Variants in KCNC2 observed in about 807,000 individuals in gnomAD.
The protein encoded by KCNC2 is voltage-gated potassium channel KCNC2.
A neutral mutation model predicts 44.5 loss-of-function variants in KCNC2; 21 were observed. That is an observed-to-expected ratio of 0.47 (90% CI 0.33 to 0.68). The LOEUF (loss-of-function observed/expected upper bound fraction) is 0.68, where lower values mean the gene tolerates loss of function less well. Among genes scored for constraint, KCNC2 ranks in the 30% least tolerant of loss-of-function variants. The probability of loss-of-function intolerance (pLI) is 0.01; values close to 1 mark genes in which losing one functional copy is unlikely to be tolerated. For synonymous variants in KCNC2, 391 were observed against 339.1 expected, an observed-to-expected ratio of 1.15 and a Z score of -1.68; for missense variants, 589 against 826.2, an observed-to-expected ratio of 0.71 and a Z score of 3.52.
intron 2 of KCNC2, among the ~76,000 whole-genome samples, chr12:75,084,479 G>T (rs182880381): frequency 1.3e-5 from 2 of 151,852 alleles, no homozygotes; most frequent in African/African-American, 2.4e-5. Context: ...TGCTATTCTC[G>T]TGATAGTGAA....
At chr12:75,176,875 A>G (rs1892221426) in intron 2 of KCNC2, among the ~76,000 whole-genome samples, 1 of 151,912 alleles carries the variant, frequency 6.6e-6, no homozygotes, top group African/African-American at 2.4e-5. Context: ...ATTTTCAAAT[A>G]TGCTCTTATC....
At chr12:75,139,686 T>G (rs2137395508) in intron 2 of KCNC2, among the ~76,000 whole-genome samples, 1 of 152,358 alleles carries the variant, frequency 6.6e-6, no homozygotes, top group Admixed American at 6.5e-5. Context: ...GCTAAAGCCA[T>G]GTTTTCAACT....
intron 4 of KCNC2, chr12:75,043,850 G>T (rs751131327): frequency 6.1e-5 from 70 of 1,151,116 alleles, no homozygotes; most frequent in Non-Finnish European, 3.0e-5. Context: ...AAAAGAAAAT[G>T]AATGAAATAT....
At chr12:75,147,443 C>T (rs1241888328) in intron 2 of KCNC2, among the ~76,000 whole-genome samples, 5 of 152,078 alleles carry the variant, frequency 3.3e-5, no homozygotes, top group Admixed American at 2.0e-4. Context: ...GACCAACTTA[C>T]GACCTAATTG....
chr12:75,201,300 C>CAAAAAAAAAA (rs2031255485), intron 2 of KCNC2, among the ~76,000 whole-genome samples: 1 of 14,066 alleles, frequency 7.1e-5, no homozygotes, highest in Non-Finnish European at 1.3e-4. Flanking sequence ...AAAAAAAAAC[C>CAAAAAAAAAA]AGATTCTGGT....
chr12:75,069,432 G>A (rs1416835236), intron 2 of KCNC2, among the ~76,000 whole-genome samples: 1 of 151,826 alleles, frequency 6.6e-6, no homozygotes, highest in Non-Finnish European at 1.5e-5. Context: ...CACCGTGCTC[G>A]GCCTCAATGT....
chr12:75,082,413 A>T (rs1407391385), intron 2 of KCNC2, among the ~76,000 whole-genome samples: 8 of 151,798 alleles, frequency 5.3e-5, no homozygotes, highest in Non-Finnish European at 1.5e-5. Flanking sequence ...AAATTCAAAG[A>T]TGTTTGTTAT....
chr12:75,074,368 A>C (rs1401932127), intron 2 of KCNC2, among the ~76,000 whole-genome samples: 1 of 151,458 alleles, frequency 6.6e-6, no homozygotes, highest in Non-Finnish European at 1.5e-5. Flanking sequence ...TGCAGTGAAG[A>C]GGGTAGAAGA....
chr12:75,041,114 G>C lies in KCNC2; in HGVS notation c.*1991C>G. The C allele has an allele frequency of 6.3e-7, 1 of 1,596,444 alleles. No homozygotes were observed. Among genetic ancestry groups the C allele is most frequent in the Non-Finnish European group, 8.5e-7 (1 of 1,178,530 alleles). Reference sequence around the variant, plus strand: ...TGGTCACATCAGGGCACATTCAGCAGCAGAAGTCTGTTTCCAGTATAGTCC... The same window carrying C: ...TGGTCACATCAGGGCACATTCAGCACCAGAAGTCTGTTTCCAGTATAGTCC... On this transcript the variant is annotated 3_prime_UTR_variant, in exon 5 of 5. Coordinates refer to ENST00000549446, the MANE Select transcript of KCNC2 (RefSeq NM_139137.4).
At chr12:75,091,560 C>A (rs189999378) in intron 2 of KCNC2, among the ~76,000 whole-genome samples, 294 of 151,746 alleles carry the variant, frequency 1.9e-3, no homozygotes, top group Non-Finnish European at 2.7e-3. Context: ...CTCACGAAAC[C>A]TAGCGGGAAA....
intron 2 of KCNC2, among the ~76,000 whole-genome samples, chr12:75,131,823 G>A (rs1888866113): frequency 6.6e-6 from 1 of 152,068 alleles, no homozygotes; most frequent in Non-Finnish European, 1.5e-5. Context: ...ATCTCTCCTA[G>A]AGACAGGAAC....
Position 75,126,848 on chromosome 12 carries a change from C to A in KCNC2, c.688-75531G>T, listed in dbSNP as rs555376730. On this transcript the variant is annotated intron_variant, in intron 2 of 4. Transcript: ENST00000549446. ...CACGCCTTTAGAAAAGCATTTGGGG[C>A]AGGAAGGACTTCCTAGGGTTCTTAA... Among the ~76,000 whole-genome samples, 195 of 152,148 alleles carry A rather than the reference C, an allele frequency of 1.3e-3. 1 individual carries two copies. The highest frequency in any genetic ancestry group is 4.5e-3 in the African/African-American group (185 of 41,532).
At chr12:75,101,707 T>C (rs1242776190) in intron 2 of KCNC2, among the ~76,000 whole-genome samples, 1 of 152,020 alleles carries the variant, frequency 6.6e-6, no homozygotes, top group Non-Finnish European at 1.5e-5. Context: ...TTTCAAAGCT[T>C]TGGGTGTAAG....
In KCNC2 at chr12:75,152,897, C is replaced by T. The variant is rs539088423; in HGVS notation, c.687+54400G>A. ...TCACTAGAAAAACAGTTGTAGTACACACAACATTCGAAAATTAGAGGCGAA... is the reference window on the plus strand; with the variant it reads ...TCACTAGAAAAACAGTTGTAGTACATACAACATTCGAAAATTAGAGGCGAA... On this transcript the variant is annotated intron_variant, in intron 2 of 4. Coordinates refer to ENST00000549446, the MANE Select transcript of KCNC2 (RefSeq NM_139137.4). Among the ~76,000 whole-genome samples, 5 of 152,012 alleles carry T rather than the reference C, an allele frequency of 3.3e-5. No individual in the cohort carries two copies. In the East Asian group the frequency reaches 9.7e-4, roughly 30 times the overall value.
intron 2 of KCNC2, among the ~76,000 whole-genome samples, chr12:75,151,367 T>C (rs1363442900): frequency 6.6e-6 from 1 of 152,026 alleles, no homozygotes; most frequent in Non-Finnish European, 1.5e-5. Flanking sequence ...AGGTCTTCGT[T>C]CGGAGAATTT....
chr12:75,104,058 C>T (rs1000032531), intron 2 of KCNC2, among the ~76,000 whole-genome samples: 1 of 149,162 alleles, frequency 6.7e-6, no homozygotes, highest in Non-Finnish European at 1.5e-5. Flanking sequence ...CCTGGATCAT[C>T]GAGCCATGAC....
At chr12:75,171,698 C>A (rs909042815) in intron 2 of KCNC2, among the ~76,000 whole-genome samples, 1 of 151,632 alleles carries the variant, frequency 6.6e-6, no homozygotes. Flanking sequence ...TGTTTGACAG[C>A]GCAGTAGAAT....
At chr12:75,202,793 G>C (rs963647746) in intron 2 of KCNC2, among the ~76,000 whole-genome samples, 2 of 89,428 alleles carry the variant, frequency 2.2e-5, no homozygotes, top group Non-Finnish European at 4.0e-5. Flanking sequence ...ATTCCTATGT[G>C]AGTTTTTTTT....
chr12:75,174,411 C>A (rs1037477849), intron 2 of KCNC2, among the ~76,000 whole-genome samples: 9 of 151,822 alleles, frequency 5.9e-5, no homozygotes, highest in African/African-American at 2.2e-4. Flanking sequence ...GCATCTTAAT[C>A]ACTCTTGGTA....
Sources: gnomAD v4.1 joint callset for allele counts (sites outside exome capture counted in the v4.1 genomes callset) on GRCh38, gnomAD v4.1.1 for gene constraint, MANE v1.5 for transcripts, NCBI Gene and HGNC (gene_info 2026-07-23, HGNC 2026-07-21) for gene names.